The following PTPRD variants were observed in gnomAD, a reference collection of about 807,000 sequenced individuals.
The protein encoded by PTPRD is receptor-type tyrosine-protein phosphatase delta.
In PTPRD, 34 loss-of-function variants were observed where a neutral mutation model predicts 214.5. That is an observed-to-expected ratio of 0.16 (90% confidence interval 0.12 to 0.21). PTPRD has a LOEUF of 0.21. PTPRD is among the 10% of genes least tolerant of loss of function. PTPRD has a pLI of 1.00. For missense variants in PTPRD, 2,545 were observed against 2,398.7 expected (o/e 1.06, Z -1.27); for synonymous variants, 1,128 against 845.7 (o/e 1.33, Z -5.79).
In PTPRD at chr9:10,061,898, G is replaced by A. The variant is rs140466584; in HGVS notation, c.-544-28108C>T. Among the ~76,000 whole-genome samples the A allele has an allele frequency of 3.1e-3, 469 of 151,976 alleles. 5 individuals are homozygous for A. The highest frequency in any genetic ancestry group is 9.2e-3 in the African/African-American group (383 of 41,472). On this transcript the variant is annotated intron_variant, in intron 3 of 45. Coordinates refer to ENST00000381196, the MANE Select transcript of PTPRD (RefSeq NM_002839.4). ...GCAGCTTTATTATCACCCGGAACTC[G>A]CTAGAAATGCAGCAAATTATTAGGC...
chr9:9,431,652 C>T (rs1361227160), intron 8 of PTPRD, among the ~76,000 whole-genome samples: 2 of 151,956 alleles, frequency 1.3e-5, no homozygotes, highest in East Asian at 3.9e-4. Context: ...TTGGAAGCAA[C>T]CCAAATGTCC....
At chr9:9,300,066 T>A (rs886113326) in intron 9 of PTPRD, among the ~76,000 whole-genome samples, 4 of 150,536 alleles carry the variant, frequency 2.7e-5, no homozygotes, top group Non-Finnish European at 4.4e-5. Context: ...TCTGTCCACC[T>A]CTATGGCCAC....
chr9:9,408,030 C>G lies in PTPRD; in HGVS notation c.-236-10548G>C, dbSNP rs1244849139. Reference sequence around the variant, plus strand: ...CTGTGGGGTAAGTTACCCAGAAGTACAGCTAAACTGGTTAATTTTAAGAGA... The same window carrying G: ...CTGTGGGGTAAGTTACCCAGAAGTAGAGCTAAACTGGTTAATTTTAAGAGA... On this transcript the variant is annotated intron_variant, in intron 8 of 45. Coordinates refer to ENST00000381196, the MANE Select transcript of PTPRD (RefSeq NM_002839.4). Among the ~76,000 whole-genome samples, 3 of 151,626 alleles carry G rather than the reference C, an allele frequency of 2.0e-5. No individual in the cohort carries two copies. In the East Asian group the frequency reaches 5.8e-4, roughly 29 times the overall value.
At chr9:9,791,851 A>G (rs1332251656) in intron 5 of PTPRD, among the ~76,000 whole-genome samples, 1 of 152,208 alleles carries the variant, frequency 6.6e-6, no homozygotes, top group East Asian at 1.9e-4. Context: ...CCATGCTGCC[A>G]TCTTCTGGTT....
intron 8 of PTPRD, among the ~76,000 whole-genome samples, chr9:9,420,386 C>T (rs930407980): frequency 1.3e-5 from 2 of 151,786 alleles, no homozygotes; most frequent in African/African-American, 4.8e-5. Flanking sequence ...GTGTGTTCAA[C>T]TAGCTGTTAC....
Position 9,833,221 on chromosome 9 carries a change from G to A in PTPRD, c.-367-66370C>T, listed in dbSNP as rs547963608. ...TAGGTTTTCTATTTTCCAAAGCGTCGACTGGCTTGAGAAATAAAAGGACAG... is the reference window on the plus strand; with the variant it reads ...TAGGTTTTCTATTTTCCAAAGCGTCAACTGGCTTGAGAAATAAAAGGACAG... On this transcript the variant is annotated intron_variant, in intron 5 of 45. Transcript: ENST00000381196. Among the ~76,000 whole-genome samples, 121 of 152,002 alleles carry A rather than the reference G, an allele frequency of 8.0e-4. 1 individual carries two copies. Among genetic ancestry groups the A allele is most frequent in the Admixed American group, 1.3e-4 (2 of 15,230 alleles).
At chr9:10,518,566 A>T (rs551485443) in intron 2 of PTPRD, among the ~76,000 whole-genome samples, 43 of 150,762 alleles carry the variant, frequency 2.9e-4, no homozygotes, top group Non-Finnish European at 3.8e-4. Context: ...GGAGTCTCGC[A>T]CTGTCACCCA....
At chr9:10,597,365 C>T (rs993640351) in intron 2 of PTPRD, among the ~76,000 whole-genome samples, 7 of 151,590 alleles carry the variant, frequency 4.6e-5, no homozygotes, top group South Asian at 2.1e-4. Flanking sequence ...AGCTATGCTT[C>T]GAATGAATAT....
chr9:9,516,949 A>G (rs889888502), intron 8 of PTPRD, among the ~76,000 whole-genome samples: 73 of 152,240 alleles, frequency 4.8e-4, no homozygotes, highest in African/African-American at 1.7e-3. Context: ...AATCACTATA[A>G]ATTTAGGTGA....
rs144926891 is a variant in PTPRD at position 9,028,559 on chromosome 9, G to A, written c.-142-9824C>T. The stretch of plus-strand genomic sequence containing the variant: ...TGATATGTAAGACTTGATTAATAAA[G>A]TCTATTTATTTAATCCTATAGTAAC... On this transcript the variant is annotated intron_variant, in intron 10 of 45. Coordinates refer to ENST00000381196, the MANE Select transcript of PTPRD (RefSeq NM_002839.4). Among the ~76,000 whole-genome samples the A allele has an allele frequency of 9.6e-4, 146 of 152,006 alleles. No homozygotes were observed. In the Middle Eastern group the frequency reaches 0.01, roughly 11 times the overall value.
chr9:8,697,417 C>CTTTTTTTTTTTTTTTTTTTTTTTTTTATT (rs752677458), intron 12 of PTPRD, among the ~76,000 whole-genome samples: 1 of 63,242 alleles, frequency 1.6e-5, no homozygotes, highest in Non-Finnish European at 3.0e-5. Flanking sequence ...TTTTTATGTA[C>CTTTTTTTTTTTTTTTTTTTTTTTTTTATT]TTTTTTTTTT....
At position 8,635,110 on chromosome 9, in the gene PTPRD, A is replaced by C. The variant is rs535654406; in HGVS notation, c.210+1589T>G. Among the ~76,000 whole-genome samples, 3 of 148,568 alleles carry C rather than the reference A, an allele frequency of 2.0e-5. No homozygotes were observed. The East Asian group carries it at 5.8e-4, about 29-fold the overall frequency. Reference sequence around the variant, plus strand: ...ATATATATTAGTGTTAAATATAGTAAAGATTTTCAACCAAGGACTTGATAC... The same window carrying C: ...ATATATATTAGTGTTAAATATAGTACAGATTTTCAACCAAGGACTTGATAC... On this transcript the variant is annotated intron_variant, in intron 13 of 45. Transcript: ENST00000381196.
chr9:9,005,380 T>A (rs780299441), intron 11 of PTPRD, among the ~76,000 whole-genome samples: 19 of 151,790 alleles, frequency 1.3e-4, no homozygotes, highest in Non-Finnish European at 2.7e-4. Context: ...TGGTGAATGC[T>A]ACATATGAGA....
At chr9:9,625,816 A>G (rs774146409) in intron 7 of PTPRD, among the ~76,000 whole-genome samples, 5 of 152,268 alleles carry the variant, frequency 3.3e-5, no homozygotes, top group African/African-American at 1.2e-4. Context: ...GAAAGAATGG[A>G]GGCAATTATA....
chr9:8,484,228 T>C lies in PTPRD; in HGVS notation c.3304A>G (p.Lys1102Glu), dbSNP rs776807300. ...AGGLQHRVTA[K>E]TAPDVLRTKP... is the part of the protein sequence containing the mutation. ...GTACGTAATACATCTGGTGCAGTCT[T>C]TGCCGTGACCCTGTGCTGCAGCCCA... is the stretch of plus-strand genomic sequence containing the variant. The change falls in exon 30 of 46, where the codon AAG becomes GAG. Residue 1102 changes from lysine (K) to glutamate (E), a missense_variant. By Grantham distance (56) the Lys-to-Glu change is moderately conservative (BLOSUM62 1). Coordinates refer to ENST00000381196, the MANE Select transcript of PTPRD (RefSeq NM_002839.4). 1 of 1,614,156 alleles carries C rather than the reference T, an allele frequency of 6.2e-7. No homozygotes were observed. Among genetic ancestry groups the C allele is most frequent in the Non-Finnish European group, 8.5e-7 (1 of 1,180,032 alleles).
At chr9:9,222,971 T>G (rs2099957135) in intron 9 of PTPRD, among the ~76,000 whole-genome samples, 1 of 152,044 alleles carries the variant, frequency 6.6e-6, no homozygotes, top group Non-Finnish European at 1.5e-5. Flanking sequence ...GCAACAAGTA[T>G]ACAGTCCATA....
At chr9:9,682,660 T>A (rs1244872253) in intron 7 of PTPRD, among the ~76,000 whole-genome samples, 1 of 151,632 alleles carries the variant, frequency 6.6e-6, no homozygotes, top group African/African-American at 2.4e-5. Flanking sequence ...TGTCCAGGTG[T>A]TGGTAGAGTA....
rs539530273 is a variant in PTPRD at position 9,202,024 on chromosome 9, T to G, written c.-202-18661A>C. On this transcript the variant is annotated intron_variant, in intron 9 of 45. Transcript: ENST00000381196. ...GACACGAACTTTTGGTGGAGTTCAG[T>G]GCAAGAAGTGCTTGTTTCAACCGGA... Among the ~76,000 whole-genome samples the G allele has an allele frequency of 4.6e-5, 7 of 152,318 alleles. No homozygotes were observed. In the South Asian group the frequency reaches 1.4e-3, roughly 32 times the overall value.
In PTPRD at chr9:9,352,096, C is replaced by T. The variant is rs528061937; in HGVS notation, c.-203+45353G>A. Among the ~76,000 whole-genome samples the T allele has an allele frequency of 1.5e-3, 232 of 151,970 alleles. 1 individual carries two copies. Among genetic ancestry groups the T allele is most frequent in the African/African-American group, 5.3e-3 (221 of 41,488 alleles). On this transcript the variant is annotated intron_variant, in intron 9 of 45. Transcript: ENST00000381196. ...GTGCTGGGATTACAGGAATCCCAGCCTCTGCACCTGGCCCTTGCATTTTTT... is the reference window on the plus strand; with the variant it reads ...GTGCTGGGATTACAGGAATCCCAGCTTCTGCACCTGGCCCTTGCATTTTTT...
Sources: allele counts gnomAD v4.1 joint callset (sites outside exome capture counted in the v4.1 genomes callset), GRCh38; gene constraint gnomAD v4.1.1; transcripts MANE v1.5; gene names NCBI Gene and HGNC (gene_info 2026-07-23, HGNC 2026-07-21).